ATRX: variants seen among roughly 807,000 people sequenced by gnomAD.
ATRX encodes ATRX chromatin remodeler.
In ATRX, 12 loss-of-function variants were observed where a neutral mutation model predicts 172.6. That is an observed-to-expected ratio of 0.07 (90% CI 0.04 to 0.11). ATRX has a LOEUF of 0.11. Ranked by LOEUF, ATRX falls within the 10% of genes least tolerant of loss-of-function variation. The probability of loss-of-function intolerance (pLI) is 1.00; values close to 1 mark genes in which losing one functional copy is unlikely to be tolerated. For missense variants in ATRX, 1,368 were observed against 1,767.4 expected (o/e 0.77, Z 4.05); for synonymous variants, 674 against 594.7 (o/e 1.13, Z -1.94).
chrX:77,717,209 G>A lies in ATRX; in HGVS notation c.55C>T (p.His19Tyr). Residue 19 changes from histidine to tyrosine, a missense_variant, in exon 2 of 35, where the codon CAT (histidine) becomes TAT (tyrosine). Physicochemically the swap from His to Tyr is moderately conservative, Grantham distance 83 (BLOSUM62 2). Coordinates refer to ENST00000373344, the MANE Select transcript of ATRX (RefSeq NM_000489.6). Reference protein sequence around the residue: ...SKLNTLVQKLHDFLAHSSEES... With the variant: ...SKLNTLVQKLYDFLAHSSEES... ...TCTGATGAGTGTGCAAGGAAGTCAT[G>A]AAGCTTCTGCACCAATGTATTCAAC... The A allele has an allele frequency of 8.3e-7, 1 of 1,210,915 alleles. No homozygotes were observed. The highest frequency in any genetic ancestry group is 1.1e-6 in the Non-Finnish European group (1 of 894,852).
At chrX:77,710,871 A>G (rs1173628909) in intron 2 of ATRX, among the ~76,000 whole-genome samples, 1 of 109,843 alleles carries the variant, frequency 9.1e-6, no homozygotes, top group African/African-American at 3.3e-5. Context: ...ACTATTCTGT[A>G]TCTCAACTGT....
intron 1 of ATRX, among the ~76,000 whole-genome samples, chrX:77,755,586 C>G (rs1160665465): frequency 8.9e-6 from 1 of 111,977 alleles, no homozygotes; most frequent in Non-Finnish European, 1.9e-5. Flanking sequence ...ATCTAACAGG[C>G]CCCTCTTATG....
chrX:77,645,537 C>T (rs782786900), intron 15 of ATRX, among the ~76,000 whole-genome samples: 1 of 111,217 alleles, frequency 9.0e-6, no homozygotes, highest in South Asian at 3.7e-4. Context: ...CTAGACCTGC[C>T]CTATAAAAAA....
rs2071341824 is a variant in ATRX, at chrX:77,683,083, C to T, written c.2173G>A (p.Val725Met). 8.3e-7 allele frequency: 1 copy of T among 1,210,785 alleles called. No individual in the cohort carries two copies. Among genetic ancestry groups the T allele is most frequent in the Non-Finnish European group, 1.1e-6 (1 of 894,938 alleles). The change falls in exon 9 of 35, where the codon GTG (valine) becomes ATG (methionine). Residue 725 changes from valine to methionine, a missense_variant. Val to Met is a conservative substitution (Grantham distance 21). Coordinates refer to ENST00000373344, the MANE Select transcript of ATRX (RefSeq NM_000489.6). Reference protein sequence around the residue: ...KLPKSKQSETVDQNSDSDEML... With the variant: ...KLPKSKQSETMDQNSDSDEML... Reference sequence around the variant, plus strand: ...TCATCAGAATCTGAATTTTGATCCACAGTCTCTGATTGCTTAGATTTTGGC... The same window carrying T: ...TCATCAGAATCTGAATTTTGATCCATAGTCTCTGATTGCTTAGATTTTGGC...
At chrX:77,550,167 C>G (rs2064423232) in intron 30 of ATRX, among the ~76,000 whole-genome samples, 1 of 111,153 alleles carries the variant, frequency 9.0e-6, no homozygotes. Context: ...AAGTCTAATT[C>G]CAACACTGCT....
chrX:77,631,986 G>T (rs1212102574), intron 19 of ATRX, among the ~76,000 whole-genome samples: 1 of 109,962 alleles, frequency 9.1e-6, no homozygotes, highest in Non-Finnish European at 1.9e-5. Context: ...AAAATGAAAA[G>T]TTTTTTTTTG....
intron 5 of ATRX, among the ~76,000 whole-genome samples, chrX:77,694,443 T>C (rs2072070997): frequency 9.0e-6 from 1 of 111,202 alleles, no homozygotes; most frequent in South Asian, 3.8e-4. Flanking sequence ...ATTCTATTAC[T>C]CCTGTATCTA....
chrX:77,512,679 G>A lies in ATRX; in HGVS notation c.7201-4050C>T, dbSNP rs141612526. 4.6e-3 allele frequency among the ~76,000 whole-genome samples: 515 copies of A among 111,129 alleles called. 13 individuals carry two copies. Among genetic ancestry groups the A allele is most frequent in the East Asian group, 0.035 (121 of 3,487 alleles). ...AGGTCAGTAGTTCGAGACCAGCCTG[G>A]CCAACATGGTGAAACCCTGTCTCTA... is the stretch of plus-strand genomic sequence containing the variant. On this transcript the variant is annotated intron_variant, in intron 34 of 34. Coordinates refer to ENST00000373344, the MANE Select transcript of ATRX (RefSeq NM_000489.6).
At chrX:77,638,534 T>C (rs782425876) in intron 15 of ATRX, among the ~76,000 whole-genome samples, 43 of 112,525 alleles carry the variant, frequency 3.8e-4, no homozygotes, top group South Asian at 7.3e-4. Context: ...ATTTTACCCA[T>C]TGTCCAGTTC....
At chrX:77,686,413 G>C (rs965669793) in intron 7 of ATRX, among the ~76,000 whole-genome samples, 4 of 111,703 alleles carry the variant, frequency 3.6e-5, no homozygotes, top group Non-Finnish European at 7.5e-5. Flanking sequence ...GAGACTCAAA[G>C]CAAAAACACT....
At chrX:77,652,529 C>T (rs1171169589) in intron 14 of ATRX, among the ~76,000 whole-genome samples, 176 bp from the exon 15 acceptor site, 3 of 107,025 alleles carry the variant, frequency 2.8e-5, no homozygotes, top group Non-Finnish European at 3.8e-5. Context: ...CGGCCGGGCA[C>T]GGTGGCTCAC....
intron 19 of ATRX, among the ~76,000 whole-genome samples, chrX:77,630,907 A>G (rs2068077512): frequency 8.9e-6 from 1 of 111,962 alleles, no homozygotes; most frequent in Non-Finnish European, 1.9e-5. Context: ...TTTAAAGATT[A>G]GTACTGAAAA....
At chrX:77,660,180 G>A (rs1409035012) in intron 12 of ATRX, among the ~76,000 whole-genome samples, 3 of 111,803 alleles carry the variant, frequency 2.7e-5, no homozygotes, top group Non-Finnish European at 3.8e-5. Flanking sequence ...TTGTTGAAGA[G>A]GCACAGGAAT....
chrX:77,715,629 C>T (rs541454547), intron 2 of ATRX, among the ~76,000 whole-genome samples: 1 of 111,872 alleles, frequency 8.9e-6, no homozygotes, highest in Middle Eastern at 4.6e-3. Flanking sequence ...CCTCTGGCTA[C>T]TTAAGATATT....
At chrX:77,737,300 G>A (rs1445662170) in intron 1 of ATRX, among the ~76,000 whole-genome samples, 1 of 107,588 alleles carries the variant, frequency 9.3e-6, no homozygotes, top group African/African-American at 3.4e-5. Flanking sequence ...GTGGGCGCCT[G>A]TAATCCCAGC....
rs61752456 is a variant in ATRX, at chrX:77,683,087, C to T, written c.2169G>A (p.Glu723=). Residue 723 remains glutamate, a synonymous_variant, in exon 9 of 35, where the codon GAG becomes GAA. Transcript: ENST00000373344. ...CAGAATCTGAATTTTGATCCACAGT[C>T]TCTGATTGCTTAGATTTTGGCAATT... ...PNKLPKSKQS[E]TVDQNSDSDE... 8.3e-7 allele frequency: 1 copy of T among 1,210,596 alleles called. No homozygotes were observed. Among genetic ancestry groups the T allele is most frequent in the Non-Finnish European group, 1.1e-6 (1 of 894,898 alleles).
At chrX:77,750,221 G>A (rs1286748759) in intron 1 of ATRX, among the ~76,000 whole-genome samples, 2 of 111,428 alleles carry the variant, frequency 1.8e-5, no homozygotes, top group Non-Finnish European at 3.8e-5. Context: ...ATAAATATGA[G>A]TGTACAGGAA....
At chrX:77,728,391 T>C (rs1394137273) in intron 1 of ATRX, among the ~76,000 whole-genome samples, 3 of 112,051 alleles carry the variant, frequency 2.7e-5, no homozygotes, top group Non-Finnish European at 5.6e-5. Flanking sequence ...ATCATCCTTT[T>C]GGTTAGTAAT....
At chrX:77,524,281 A>C (rs1462134656) in intron 30 of ATRX, among the ~76,000 whole-genome samples, 1 of 112,139 alleles carries the variant, frequency 8.9e-6, no homozygotes, top group African/African-American at 3.2e-5. Flanking sequence ...AAATTAATTC[A>C]CTTTACAGAA....
Sources: allele counts gnomAD v4.1 joint callset (sites outside exome capture counted in the v4.1 genomes callset), GRCh38; gene constraint gnomAD v4.1.1; transcripts MANE v1.5; gene names NCBI Gene and HGNC (gene_info 2026-07-23, HGNC 2026-07-21).